The following USP37 variants were observed in gnomAD, a reference collection of about 807,000 sequenced individuals.
USP37 encodes ubiquitin specific peptidase 37, also known as ubiquitin carboxyl-terminal hydrolase 37.
USP37 carries 27 observed loss-of-function variants against 124.0 expected under a neutral mutation model. The ratio of observed to expected loss-of-function variants is 0.22; its 90% confidence interval spans 0.16 to 0.30. The LOEUF (loss-of-function observed/expected upper bound fraction) is 0.30. Ranked by LOEUF, USP37 falls within the 10% of genes least tolerant of loss-of-function variation. USP37 has a pLI of 1.00. For missense variants in USP37, 889 were observed against 1,140.4 expected, an observed-to-expected ratio of 0.78 and a Z score of 3.17; for synonymous variants, 365 against 388.0, an observed-to-expected ratio of 0.94 and a Z score of 0.70.
In USP37 at chr2:218,497,874, C is replaced by T. The variant is rs780544148; in HGVS notation, c.1158-17G>A. On this transcript the variant is annotated splice_polypyrimidine_tract_variant and intron_variant, in intron 12 of 25. Transcript: ENST00000258399. ...GCAAAGCGTCTAGTAAAACAAAAAACACAAAGTTAGCACGTTTTACATGAC... is the reference window on the plus strand; with the variant it reads ...GCAAAGCGTCTAGTAAAACAAAAAATACAAAGTTAGCACGTTTTACATGAC... 6.2e-6 allele frequency: 10 copies of T among 1,609,864 alleles called. No individual in the cohort carries two copies. The highest frequency in any genetic ancestry group is 8.5e-6 in the Non-Finnish European group (10 of 1,178,544).
intron 20 of USP37, among the ~76,000 whole-genome samples, chr2:218,471,883 A>G (rs1690709776): frequency 6.6e-6 from 1 of 151,780 alleles, no homozygotes; most frequent in South Asian, 2.1e-4. Context: ...CAAGAAAATT[A>G]GCTGGGTGTG....
intron 10 of USP37, among the ~76,000 whole-genome samples, chr2:218,527,627 C>T (rs571947189): frequency 4.6e-5 from 7 of 152,228 alleles, no homozygotes; most frequent in African/African-American, 1.4e-4. Context: ...ATGAATATGT[C>T]CATTCTATTA....
chr2:218,545,458 TG>T (rs1692271160), intron 8 of USP37, among the ~76,000 whole-genome samples: 1 of 152,176 alleles, frequency 6.6e-6, no homozygotes, highest in African/African-American at 2.4e-5. Context: ...TCTGAGTCCT[TG>T]GTGATTATAG....
At chr2:218,455,125 T>G in intron 25 of USP37, 108 bp from the exon 26 acceptor site, 14 of 1,219,752 alleles carry the variant, frequency 1.1e-5, no homozygotes, top group Non-Finnish European at 1.5e-5. Flanking sequence ...GCCTTCACAA[T>G]TCCATTTCAT....
chr2:218,492,152 G>A (rs112196728), intron 14 of USP37, among the ~76,000 whole-genome samples: 55 of 152,278 alleles, frequency 3.6e-4, no homozygotes, highest in African/African-American at 1.3e-3. Flanking sequence ...AGTGAGCTGT[G>A]ATTAAGCCAC....
chr2:218,562,808 A>G lies in USP37; in HGVS notation c.-224T>C, dbSNP rs1201749453. 1 of 398,428 alleles carries G rather than the reference A, an allele frequency of 2.5e-6. No homozygotes were observed. Among genetic ancestry groups the G allele is most frequent in the East Asian group, 3.6e-5 (1 of 28,082 alleles). The allele number at this position is 398,428 out of a possible 1,614,324, so 24.7% of individuals were successfully genotyped here. On this transcript the variant is annotated 5_prime_UTR_variant, in exon 2 of 26. Transcript: ENST00000258399. The stretch of plus-strand genomic sequence containing the variant: ...TATGCCAGTTCTCCGGAAGCCATCA[A>G]CTCAGCTAAAGAAAATAAAAATGTG...
chr2:218,528,130 A>C (rs1340934091), intron 10 of USP37: 1 of 152,206 alleles, frequency 6.6e-6, no homozygotes, highest in Non-Finnish European at 1.5e-5. Context: ...CGAACCCAGA[A>C]GGCAGAGGTT....
intron 1 of USP37, among the ~76,000 whole-genome samples, chr2:218,567,565 GCCA>G (rs1301168669): frequency 1.1e-4 from 17 of 152,068 alleles, no homozygotes; most frequent in Non-Finnish European, 5.9e-5. Context: ...GTCAGGAATT[GCCA>G]CCTCAATAAA....
intron 6 of USP37, among the ~76,000 whole-genome samples, chr2:218,548,299 A>G (rs866505673): frequency 6.6e-6 from 1 of 152,132 alleles, no homozygotes; most frequent in South Asian, 2.1e-4. Context: ...CAACTTTTTC[A>G]GAATTTTGAA....
At chr2:218,543,501 C>CAAAA (rs35321679) in intron 8 of USP37, among the ~76,000 whole-genome samples, 11 of 36,956 alleles carry the variant, frequency 3.0e-4, no homozygotes, top group South Asian at 2.1e-3. Flanking sequence ...GACTCCGTCT[C>CAAAA]AAAAAAAAAA....
At chr2:218,513,976 AT>A (rs151266138) in intron 10 of USP37, among the ~76,000 whole-genome samples, 4,841 of 150,020 alleles carry the variant, frequency 0.032, 261 homozygotes, top group African/African-American at 0.11. Flanking sequence ...CGCCCTGCTA[AT>A]TTTTTTTTTA....
chr2:218,557,107 A>G (rs1574964180), intron 4 of USP37, among the ~76,000 whole-genome samples: 2 of 151,024 alleles, frequency 1.3e-5, no homozygotes, highest in Non-Finnish European at 3.0e-5. Context: ...GGACTCAAGC[A>G]ATCCTCCTGC....
intron 8 of USP37, among the ~76,000 whole-genome samples, chr2:218,538,567 C>G (rs953996666): frequency 6.6e-6 from 1 of 152,122 alleles, no homozygotes. Context: ...ACAAAGGGAC[C>G]ATGAATAACG....
intron 22 of USP37, among the ~76,000 whole-genome samples, chr2:218,460,996 G>A (rs1421366885): frequency 6.6e-6 from 1 of 151,706 alleles, no homozygotes; most frequent in Non-Finnish European, 1.5e-5. Flanking sequence ...AAAGTAAAGA[G>A]AATTCAACCT....
intron 5 of USP37, among the ~76,000 whole-genome samples, chr2:218,550,820 GT>G (rs959014934): frequency 6.0e-5 from 9 of 150,762 alleles, no homozygotes; most frequent in Admixed American, 2.6e-4. Context: ...TTCTCTACTA[GT>G]TTTTTTTTAA....
intron 11 of USP37, among the ~76,000 whole-genome samples, chr2:218,502,833 C>A (rs551662602): frequency 1.3e-5 from 2 of 152,248 alleles, no homozygotes; most frequent in South Asian, 4.1e-4. Context: ...AAGGATTTTA[C>A]ATCCAGCCAA....
At chr2:218,485,831 A>G (rs1357524517) in intron 15 of USP37, 88 bp from the exon 16 acceptor site, 40 of 1,395,264 alleles carry the variant, frequency 2.9e-5, no homozygotes, top group East Asian at 1.6e-4. Flanking sequence ...TATTAGTTCC[A>G]TTAGTGGAAT....
At chr2:218,535,771 C>T (rs368608847) in intron 8 of USP37, among the ~76,000 whole-genome samples, 2 of 151,768 alleles carry the variant, frequency 1.3e-5, no homozygotes, top group Admixed American at 6.6e-5. Flanking sequence ...GGGAGAATGG[C>T]GTGAACCCGG....
intron 9 of USP37, among the ~76,000 whole-genome samples, chr2:218,533,214 T>C (rs11900980): frequency 0.039 from 5,905 of 152,264 alleles, 378 homozygotes; most frequent in African/African-American, 0.13. Flanking sequence ...GTTGTACTTC[T>C]ATTTTTTAAC....
Sources: gnomAD v4.1 joint callset for allele counts (sites outside exome capture counted in the v4.1 genomes callset) on GRCh38, gnomAD v4.1.1 for gene constraint, MANE v1.5 for transcripts, NCBI Gene and HGNC (gene_info 2026-07-23, HGNC 2026-07-21) for gene names.